ANKRD62: variants seen among roughly 807,000 people sequenced by gnomAD.
ANKRD62 encodes ankyrin repeat domain-containing protein 62.
Under a neutral mutation model 98.8 loss-of-function variants are expected in ANKRD62, and 61 were observed. The ratio of observed to expected loss-of-function variants is 0.62; its 90% CI spans 0.50 to 0.76. The LOEUF (loss-of-function observed/expected upper bound fraction) is 0.76. Among genes scored for constraint, ANKRD62 ranks in the 30% least tolerant of loss-of-function variants. ANKRD62 has a pLI of 0.00. For missense variants in ANKRD62, 933 were observed against 1,082.9 expected (o/e 0.86, Z 1.94); for synonymous variants, 341 against 367.9 (o/e 0.93, Z 0.84).
chr18:12,097,538 T>A, intron 4 of ANKRD62, 102 bp from the exon 5 acceptor site: 1 of 1,266,348 alleles, frequency 7.9e-7, no homozygotes, highest in South Asian at 1.6e-5. Context: ...AATTGGTTAA[T>A]TCTACATGGA....
At chr18:12,166,461 A>G in the ANKRD62 span, among the ~76,000 whole-genome samples, 11 of 152,030 alleles carry the variant, frequency 7.2e-5, no homozygotes, top group African/African-American at 2.7e-4. Context: ...CAGCTCCAGA[A>G]TTTCTGCTTC....
the ANKRD62 span, among the ~76,000 whole-genome samples, chr18:12,137,799 T>A: frequency 1.3e-5 from 2 of 152,226 alleles, no homozygotes; most frequent in African/African-American, 2.4e-5. Flanking sequence ...GAGGAATTTA[T>A]CTATTTCTTC....
At chr18:12,173,067 A>G in the ANKRD62 span, among the ~76,000 whole-genome samples, 3 of 152,184 alleles carry the variant, frequency 2.0e-5, no homozygotes, top group Non-Finnish European at 4.4e-5. Context: ...GGGTGACCCA[A>G]TGCCCCACCC....
the ANKRD62 span, among the ~76,000 whole-genome samples, chr18:12,145,680 G>A: frequency 6.6e-6 from 1 of 152,202 alleles, no homozygotes; most frequent in Admixed American, 6.5e-5. Flanking sequence ...TCCTCCCTAG[G>A]ATGGGGCTCC....
chr18:12,136,308 C>T, the ANKRD62 span, among the ~76,000 whole-genome samples: 5 of 151,926 alleles, frequency 3.3e-5, no homozygotes, highest in South Asian at 2.1e-4. Flanking sequence ...GGAATCCTTT[C>T]CCCATTGCTT....
chr18:12,140,668 G>A, the ANKRD62 span, among the ~76,000 whole-genome samples: 1 of 152,180 alleles, frequency 6.6e-6, no homozygotes, highest in Non-Finnish European at 1.5e-5. Flanking sequence ...AGCAGATATT[G>A]GTGAATCGCA....
At chr18:12,132,144 G>A (rs1469133339), downstream of ANKRD62, among the ~76,000 whole-genome samples, 1 of 152,016 alleles carries the variant, frequency 6.6e-6, no homozygotes, top group Admixed American at 6.6e-5. Context: ...ATTTTGCATA[G>A]TGTCAGATAT....
At chr18:12,180,946 C>G in the ANKRD62 span, among the ~76,000 whole-genome samples, 11 of 141,454 alleles carry the variant, frequency 7.8e-5, no homozygotes, top group Non-Finnish European at 1.5e-4. Context: ...CCTCCCCCCC[C>G]ACCTCACAAC....
At chr18:12,101,568 T>A (rs1159765435) in intron 6 of ANKRD62, among the ~76,000 whole-genome samples, 3 of 152,220 alleles carry the variant, frequency 2.0e-5, no homozygotes, top group Non-Finnish European at 4.4e-5. Flanking sequence ...CTGAACACTC[T>A]CTAATTTTCT....
chr18:12,158,970 G>A, the ANKRD62 span, among the ~76,000 whole-genome samples: 43,833 of 152,016 alleles, frequency 0.29, 7,278 homozygotes, highest in Middle Eastern at 0.39. Flanking sequence ...AAAATATGGG[G>A]CCTAGTTCAG....
intron 7 of ANKRD62, among the ~76,000 whole-genome samples, chr18:12,103,773 T>C (rs1323498180): frequency 6.6e-6 from 1 of 152,100 alleles, no homozygotes; most frequent in African/African-American, 2.4e-5. Context: ...ACTTTTGGTG[T>C]TTGGGTTCAA....
chr18:12,171,143 G>A, the ANKRD62 span, among the ~76,000 whole-genome samples: 1 of 152,040 alleles, frequency 6.6e-6, no homozygotes, highest in African/African-American at 2.4e-5. Flanking sequence ...TTACATTTAA[G>A]GTTAATATTG....
At position 12,107,454 on chromosome 18, in the gene ANKRD62, G is replaced by T; in HGVS notation, c.1051G>T (p.Gly351Cys). Reference sequence around the variant, plus strand: ...TCATCAATCTCCTGGGAAGGAGAATGGCGAGTTTGATAGGTAATCCTGTAG... The same window carrying T: ...TCATCAATCTCCTGGGAAGGAGAATTGCGAGTTTGATAGGTAATCCTGTAG... ...DNHQSPGKEN[G>C]EFDRLARKTS... The change falls in exon 8 of 14, where the codon GGC (glycine) becomes TGC (cysteine). Residue 351 changes from glycine (G) to cysteine (C), a missense_variant. Around this residue, in one of 3 missense-constraint regions of ANKRD62, gnomAD observed 549 missense variants for 587.9 expected, o/e 0.93. Transcript: ENST00000587848. 6.7e-7 allele frequency: 1 copy of T among 1,503,030 alleles called. No individual in the cohort carries two copies. Among genetic ancestry groups the T allele is most frequent in the South Asian group, 1.3e-5 (1 of 77,372 alleles). 93.1% of individuals were successfully genotyped at this position (1,503,030 alleles called of 1,614,324 possible).
the ANKRD62 span, among the ~76,000 whole-genome samples, chr18:12,146,011 T>C: frequency 6.7e-6 from 1 of 148,928 alleles, no homozygotes; most frequent in East Asian, 2.0e-4. Context: ...GTGGGACCTC[T>C]CAGAAAGAGG....
chr18:12,140,926 T>C, the ANKRD62 span, among the ~76,000 whole-genome samples: 1 of 152,234 alleles, frequency 6.6e-6, no homozygotes, highest in Admixed American at 6.5e-5. Context: ...TGCTGTCTTT[T>C]TTTTGTCTGT....
the ANKRD62 span, among the ~76,000 whole-genome samples, chr18:12,165,371 A>G: frequency 1.3e-5 from 2 of 151,932 alleles, no homozygotes; most frequent in Non-Finnish European, 2.9e-5. Context: ...TCCTTTTAGT[A>G]AAAGTGATTT....
In ANKRD62 at chr18:12,095,428, T is replaced by C; in HGVS notation, c.334-9T>C. 1 of 1,567,354 alleles carries C rather than the reference T, an allele frequency of 6.4e-7. No individual in the cohort carries two copies. The highest frequency in any genetic ancestry group is 8.6e-7 in the Non-Finnish European group (1 of 1,161,032). On this transcript the variant is annotated splice_polypyrimidine_tract_variant and intron_variant, in intron 2 of 13. Coordinates refer to ENST00000587848, the MANE Select transcript of ANKRD62 (RefSeq NM_001277333.2). ...ATTTACAGTCTATTTCTTGGTCTAA[T>C]ACTGACAGGCTGTACAATGTCAAGA... is the stretch of plus-strand genomic sequence containing the variant.
At chr18:12,181,331 T>C in the ANKRD62 span, among the ~76,000 whole-genome samples, 38 of 152,242 alleles carry the variant, frequency 2.5e-4, no homozygotes, top group East Asian at 7.0e-3. Flanking sequence ...AGAGGAAAAA[T>C]ATGATTATTG....
rs372510836 is a variant in ANKRD62 at position 12,115,075 on chromosome 18, G to GTT, written c.1065-4_1065-3dup. On this transcript the variant is annotated splice_polypyrimidine_tract_variant and intron_variant, in intron 8 of 13. Transcript: ENST00000587848. ...CTATTTGCCTGATTGGAATTTTTTG[G>GTT]TTTTTTTTTTAGGCTTGCAAGGAAA... The GTT allele has an allele frequency of 1.3e-4, 151 of 1,197,352 alleles. No individual in the cohort carries two copies. The highest frequency in any genetic ancestry group is 6.7e-4 in the South Asian group (31 of 46,106). 74.2% of individuals were successfully genotyped at this position (1,197,352 alleles called of 1,614,324 possible).
Sources: allele counts gnomAD v4.1 joint callset (sites outside exome capture counted in the v4.1 genomes callset), GRCh38; gene constraint gnomAD v4.1.1; regional missense constraint gnomAD v4.1.1; transcripts MANE v1.5; gene names NCBI Gene and HGNC (gene_info 2026-07-23, HGNC 2026-07-21).